Variants in SRPK1 observed in about 807,000 individuals in gnomAD.
SRPK1 encodes SRSF protein kinase 1, also known as SFRS protein kinase 1.
A neutral mutation model predicts 89.5 loss-of-function variants in SRPK1; 52 were observed. The ratio of observed to expected loss-of-function variants is 0.58; its 90% confidence interval spans 0.46 to 0.73. The LOEUF is 0.73. SRPK1 is among the 30% of genes least tolerant of loss of function. The pLI, the probability that SRPK1 is intolerant of heterozygous loss-of-function variation, is 0.00. For synonymous variants in SRPK1, 255 were observed against 270.2 expected (o/e 0.94, Z 0.55); for missense variants, 603 against 780.6 (o/e 0.77, Z 2.71).
At chr6:35,868,934 T>C (rs1769967708) in intron 12 of SRPK1, 76 bp downstream of exon 12, 2 of 1,155,670 alleles carry the variant, frequency 1.7e-6, no homozygotes, top group Admixed American at 2.3e-5. Context: ...ATTATGGATG[T>C]TTTGCATAAC....
intron 2 of SRPK1, among the ~76,000 whole-genome samples, chr6:35,908,468 G>T (rs1770895554): frequency 6.6e-6 from 1 of 152,226 alleles, no homozygotes; most frequent in South Asian, 2.1e-4. Flanking sequence ...CTAGAGATCT[G>T]TGGAAGTTTG....
chr6:35,844,153 C>T (rs113775482), intron 13 of SRPK1, among the ~76,000 whole-genome samples: 3,023 of 151,818 alleles, frequency 0.02, 96 homozygotes, highest in African/African-American at 0.065. Context: ...TACAGGTGCC[C>T]GCCACCAAGC....
intron 7 of SRPK1, 21 bp from the exon 8 acceptor site, chr6:35,872,749 A>G (rs762982483): frequency 6.4e-7 from 1 of 1,572,642 alleles, no homozygotes; most frequent in East Asian, 2.3e-5. Context: ...ATAGAGTGGC[A>G]GACTTGCAAA....
intron 2 of SRPK1, among the ~76,000 whole-genome samples, chr6:35,905,399 T>C (rs1416134535): frequency 4.0e-5 from 6 of 151,442 alleles, no homozygotes; most frequent in Admixed American, 1.3e-4. Flanking sequence ...AGCCATATTC[T>C]AAAAAAAAAC....
At chr6:35,837,809 T>C (rs1038518279) in intron 15 of SRPK1, among the ~76,000 whole-genome samples, 1 of 151,632 alleles carries the variant, frequency 6.6e-6, no homozygotes, top group Non-Finnish European at 1.5e-5. Context: ...CCTCCTGCCT[T>C]GGACTCCCAA....
At chr6:35,920,651 C>A (rs1315295315) in intron 1 of SRPK1, 123 bp from the exon 2 acceptor site, 2 of 682,720 alleles carry the variant, frequency 2.9e-6, no homozygotes. Flanking sequence ...CGGCTGCGGG[C>A]TCCGGCGAGG....
rs541633453 is a variant in SRPK1, at chr6:35,841,749, T to C, written c.1690+786A>G. On this transcript the variant is annotated intron_variant, in intron 14 of 15. Transcript: ENST00000373825. ...CGAGAGGCCGAGGCAGGAGAATCGCTTGAACGAGGGAAGTGGAGGTTGTAG... is the reference window on the plus strand; with the variant it reads ...CGAGAGGCCGAGGCAGGAGAATCGCCTGAACGAGGGAAGTGGAGGTTGTAG... Among the ~76,000 whole-genome samples, 21 of 149,728 alleles carry C rather than the reference T, an allele frequency of 1.4e-4. No homozygotes were observed. In the East Asian group the frequency reaches 3.6e-3, roughly 25 times the overall value.
At chr6:35,864,068 G>T (rs530214999) in intron 12 of SRPK1, among the ~76,000 whole-genome samples, 12 of 152,264 alleles carry the variant, frequency 7.9e-5, no homozygotes, top group Non-Finnish European at 2.9e-5. Flanking sequence ...TGAAATCTAA[G>T]ATCTCAAACT....
chr6:35,885,272 C>CAT (rs1770379226), intron 6 of SRPK1, among the ~76,000 whole-genome samples: 2 of 129,778 alleles, frequency 1.5e-5, no homozygotes, highest in Admixed American at 8.4e-5. Flanking sequence ...CACACACACA[C>CAT]ACACACACAC....
At chr6:35,898,431 T>C (rs1304445186) in intron 2 of SRPK1, among the ~76,000 whole-genome samples, 1 of 152,196 alleles carries the variant, frequency 6.6e-6, no homozygotes, top group Non-Finnish European at 1.5e-5. Flanking sequence ...AAGTGTACAC[T>C]GCTCAGGTGA....
At chr6:35,916,177 T>A (rs1771096380) in intron 2 of SRPK1, among the ~76,000 whole-genome samples, 1 of 151,366 alleles carries the variant, frequency 6.6e-6, no homozygotes, top group South Asian at 2.1e-4. Context: ...TGAGCTGAGA[T>A]CTCACCACTG....
At chr6:35,897,358 A>G (rs1207571610) in intron 2 of SRPK1, among the ~76,000 whole-genome samples, 1 of 152,356 alleles carries the variant, frequency 6.6e-6, no homozygotes, top group East Asian at 1.9e-4. Context: ...CTGATCAATC[A>G]AAGAATAGCA....
intron 12 of SRPK1, among the ~76,000 whole-genome samples, chr6:35,865,593 G>C (rs1769879046): frequency 6.6e-6 from 1 of 152,070 alleles, no homozygotes; most frequent in Non-Finnish European, 1.5e-5. Flanking sequence ...TATTAAAATA[G>C]ATACACAGAT....
At chr6:35,918,763 TAC>T (rs1301486596) in intron 2 of SRPK1, among the ~76,000 whole-genome samples, 1 of 152,214 alleles carries the variant, frequency 6.6e-6, no homozygotes, top group African/African-American at 2.4e-5. Flanking sequence ...GGGTAACAGA[TAC>T]ACATCTGACT....
At chr6:35,857,517 G>A in intron 12 of SRPK1, 149 bp from the exon 13 acceptor site, 1 of 639,084 alleles carries the variant, frequency 1.6e-6, no homozygotes, top group South Asian at 2.0e-5. Context: ...GCATTTTTAT[G>A]TTATTAGCTC....
At chr6:35,893,368 C>T (rs569912160) in intron 2 of SRPK1, among the ~76,000 whole-genome samples, 1 of 151,932 alleles carries the variant, frequency 6.6e-6, no homozygotes, top group African/African-American at 2.4e-5. Context: ...GCCTGTAGTC[C>T]CAGCTACTCG....
Position 35,880,742 on chromosome 6 carries a change from A to AAAAAAAAAAAAAAAAAGAAAG in SRPK1, c.478+5981_478+5982insCTTTCTTTTTTTTTTTTTTTT. Among the ~76,000 whole-genome samples, 31 of 28,176 alleles carry AAAAAAAAAAAAAAAAAGAAAG rather than the reference A, an allele frequency of 1.1e-3. 1 individual carries two copies. The highest frequency in any genetic ancestry group is 1.5e-3 in the Non-Finnish European group (27 of 17,694). 18.5% of individuals were successfully genotyped at this position (28,176 alleles called of 152,430 possible). A position where few individuals can be genotyped will look rare whatever the true frequency, so the allele number is the denominator to read the frequency against. The stretch of plus-strand genomic sequence containing the variant: ...CTCAAAAAAAAAAAAAAAGAAAAAA[A>AAAAAAAAAAAAAAAAAGAAAG]AAAAAAAAGAAAAGAAAAGAAGAAG... On this transcript the variant is annotated intron_variant, in intron 6 of 15. Transcript: ENST00000373825.
intron 1 of SRPK1, 127 bp from the exon 2 acceptor site, chr6:35,920,655 G>A (rs1442687956): frequency 5.0e-6 from 3 of 604,768 alleles, no homozygotes; most frequent in Non-Finnish European, 6.8e-6. Context: ...TGCGGGCTCC[G>A]GCGAGGCGGC....
intron 2 of SRPK1, among the ~76,000 whole-genome samples, chr6:35,907,523 T>G (rs772605069): frequency 1.3e-5 from 2 of 151,996 alleles, no homozygotes; most frequent in Non-Finnish European, 2.9e-5. Flanking sequence ...CTGACCAACA[T>G]AGTGAAACTC....
Sources: gnomAD v4.1 joint callset for allele counts (sites outside exome capture counted in the v4.1 genomes callset) on GRCh38, gnomAD v4.1.1 for gene constraint, MANE v1.5 for transcripts, NCBI Gene and HGNC (gene_info 2026-07-23, HGNC 2026-07-21) for gene names.